The following RNF169 variants were observed in gnomAD, a reference collection of about 807,000 sequenced individuals.
RNF169 encodes E3 ubiquitin-protein ligase RNF169.
A neutral mutation model predicts 53.9 loss-of-function variants in RNF169; 24 were observed. The observed-to-expected ratio is 0.45, with a 90% CI of 0.32 to 0.63. RNF169 has a LOEUF of 0.63. Ranked by LOEUF, RNF169 falls within the 20% of genes least tolerant of loss-of-function variation. The pLI, the probability that RNF169 is intolerant of heterozygous loss-of-function variation, is 0.04. For synonymous variants in RNF169, 396 were observed against 363.5 expected, an observed-to-expected ratio of 1.09 and a Z score of -1.02; for missense variants, 883 against 906.2, an observed-to-expected ratio of 0.97 and a Z score of 0.33.
At chr11:74,768,536 A>C (rs893150694) in intron 1 of RNF169, among the ~76,000 whole-genome samples, 2 of 151,934 alleles carry the variant, frequency 1.3e-5, no homozygotes, top group Non-Finnish European at 2.9e-5. Flanking sequence ...TAACCTGGGA[A>C]GCGGTGGCTG....
chr11:74,834,511 T>C (rs746189669), intron 4 of RNF169, among the ~76,000 whole-genome samples, 165 bp from the exon 5 acceptor site: 1 of 152,252 alleles, frequency 6.6e-6, no homozygotes, highest in Admixed American at 6.5e-5. Context: ...AGAATTTCTA[T>C]TCAGAATGTA....
intron 3 of RNF169, among the ~76,000 whole-genome samples, chr11:74,812,785 G>A (rs1201701678): frequency 6.6e-6 from 1 of 152,168 alleles, no homozygotes; most frequent in Admixed American, 6.5e-5. Flanking sequence ...GAGCGAGACT[G>A]ATCATTTCAC....
intron 2 of RNF169, among the ~76,000 whole-genome samples, chr11:74,803,241 A>G (rs1164491977): frequency 6.6e-6 from 1 of 151,772 alleles, no homozygotes; most frequent in Non-Finnish European, 1.5e-5. Context: ...GCCCACCACC[A>G]CGCCTGGCTA....
At chr11:74,770,018 C>T (rs1038420893) in intron 1 of RNF169, among the ~76,000 whole-genome samples, 1 of 152,172 alleles carries the variant, frequency 6.6e-6, no homozygotes, top group African/African-American at 2.4e-5. Flanking sequence ...TCTTGAACTC[C>T]TGGGTTCAAG....
chr11:74,789,333 A>G lies in RNF169; in HGVS notation c.503-293A>G, dbSNP rs919990546. On this transcript the variant is annotated intron_variant, in intron 1 of 5. Transcript: ENST00000299563. ...CAAAAGGCAACTTTTTGGGGAGACT[A>G]TTTTCTATAACAAGCATTTATCAAC... Among the ~76,000 whole-genome samples the G allele has an allele frequency of 9.2e-5, 14 of 152,274 alleles. No homozygotes were observed. The East Asian group carries it at 1.7e-3, about 19-fold the overall frequency.
intron 1 of RNF169, among the ~76,000 whole-genome samples, chr11:74,774,293 C>T (rs1162983710): frequency 1.3e-5 from 2 of 151,646 alleles, no homozygotes; most frequent in East Asian, 3.9e-4. Context: ...CTGCAGTGAG[C>T]CGAGATGACA....
chr11:74,836,003 A>G lies in RNF169; in HGVS notation c.1400A>G (p.Glu467Gly), dbSNP rs766911195. 6.2e-7 allele frequency: 1 copy of G among 1,614,066 alleles called. No homozygotes were observed. The highest frequency in any genetic ancestry group is 1.3e-5 in the African/African-American group (1 of 74,930). ...PEMGEELLGSEGIHSSKEKPL... is the reference protein window; with the variant it reads ...PEMGEELLGSGGIHSSKEKPL... The stretch of plus-strand genomic sequence containing the variant: ...ATGGGGGAAGAGTTACTAGGCTCTG[A>G]AGGTATCCATTCTAGCAAGGAGAAG... Residue 467 changes from glutamate (E) to glycine (G), a missense_variant, in exon 6 of 6, where the codon GAA becomes GGA. This residue lies in a region of RNF169 where 351 missense variants were observed against 337.3 expected (regional missense o/e 1.04). Transcript: ENST00000299563.
At chr11:74,750,248 T>C (rs1267653447) in intron 1 of RNF169, among the ~76,000 whole-genome samples, 2 of 152,206 alleles carry the variant, frequency 1.3e-5, no homozygotes, top group African/African-American at 4.8e-5. Flanking sequence ...TAACTTAGGA[T>C]TCTTTTGGGG....
At chr11:74,788,587 G>C (rs1403458255) in intron 1 of RNF169, among the ~76,000 whole-genome samples, 4 of 152,052 alleles carry the variant, frequency 2.6e-5, no homozygotes, top group Non-Finnish European at 4.4e-5. Context: ...TAGAGATGGG[G>C]TTTCACCACG....
Position 74,749,139 on chromosome 11 carries a change from CT to C in RNF169, c.262del (p.Cys88AlafsTer90). On this transcript the variant is annotated frameshift_variant, in exon 1 of 6. Transcript: ENST00000299563. LOFTEE classifies it high-confidence loss of function. ...EAAALPCGHS[L>X]CRGCAQRAAD... ...AGCGGCCCTGCCGTGCGGCCACTCGCTTTGCCGAGGCTGCGCCCAACGCGCC... is the reference window on the plus strand; with the variant it reads ...AGCGGCCCTGCCGTGCGGCCACTCGCTTGCCGAGGCTGCGCCCAACGCGCC... 1 of 1,320,446 alleles carries C rather than the reference CT, an allele frequency of 7.6e-7. No individual in the cohort carries two copies. Among genetic ancestry groups the C allele is most frequent in the South Asian group, 2.1e-5 (1 of 48,590 alleles). The allele number at this position is 1,320,446 out of a possible 1,614,324, so 81.8% of individuals were successfully genotyped here.
chr11:74,831,000 C>T (rs1224830895), intron 4 of RNF169: 1 of 152,066 alleles, frequency 6.6e-6, no homozygotes, highest in East Asian at 1.9e-4. Flanking sequence ...AATAAGAGAA[C>T]TTCAGTCTTA....
At chr11:74,756,116 T>G (rs998762991) in intron 1 of RNF169, among the ~76,000 whole-genome samples, 3 of 152,174 alleles carry the variant, frequency 2.0e-5, no homozygotes, top group Non-Finnish European at 4.4e-5. Flanking sequence ...CTTCAGTCAT[T>G]CATTAATTTA....
intron 1 of RNF169, among the ~76,000 whole-genome samples, chr11:74,781,529 T>G (rs1056476173): frequency 6.6e-6 from 1 of 152,234 alleles, no homozygotes; most frequent in African/African-American, 2.4e-5. Context: ...TGGCGAGTAA[T>G]CAGCAGTGAA....
chr11:74,784,149 A>G (rs2035455029), intron 1 of RNF169, among the ~76,000 whole-genome samples: 2 of 152,216 alleles, frequency 1.3e-5, no homozygotes, highest in South Asian at 4.1e-4. Flanking sequence ...TTTACCTATA[A>G]TATTATACTT....
chr11:74,841,722 CT>C lies in RNF169; in HGVS notation c.*4994del, dbSNP rs2036576324. On this transcript the variant is annotated 3_prime_UTR_variant, in exon 6 of 6. Coordinates refer to ENST00000299563, the MANE Select transcript of RNF169 (RefSeq NM_001098638.2). ...CCAAGGCAAAGCAAGGTTTGTTCAT[CT>C]TCCTTTCCTGTCATTTAAGGTAAAA... The C allele has an allele frequency of 6.6e-6, 1 of 152,230 alleles. No individual in the cohort carries two copies. The highest frequency in any genetic ancestry group is 1.5e-5 in the Non-Finnish European group (1 of 68,036). The allele number at this position is 152,230 out of a possible 1,614,324, so 9.4% of individuals were successfully genotyped here. A position where few individuals can be genotyped will look rare whatever the true frequency, so the allele number is the denominator to read the frequency against.
rs1301901263 is a variant in RNF169 at position 74,749,386 on chromosome 11, G to A, written c.502+4G>A. On this transcript the variant is annotated splice_donor_region_variant and intron_variant, in intron 1 of 5. Transcript: ENST00000299563. ...CGTGCCGCGCCTGCGGAGCCAGGTG[G>A]AGCTTCCCCACTTCCCCTTAGGGTC... is the stretch of plus-strand genomic sequence containing the variant. 2.4e-6 allele frequency: 3 copies of A among 1,248,604 alleles called. No individual in the cohort carries two copies. Among genetic ancestry groups the A allele is most frequent in the Non-Finnish European group, 3.0e-6 (3 of 993,176 alleles). The allele number at this position is 1,248,604 out of a possible 1,614,324, so 77.3% of individuals were successfully genotyped here. A position where few individuals can be genotyped will look rare whatever the true frequency, so the allele number is the denominator to read the frequency against.
chr11:74,775,657 T>C (rs1023867151), intron 1 of RNF169, among the ~76,000 whole-genome samples: 7 of 152,206 alleles, frequency 4.6e-5, no homozygotes, highest in Non-Finnish European at 8.8e-5. Context: ...TTCCCTCTTA[T>C]CTACCTGGCA....
rs2036295762 is a variant in RNF169, at chr11:74,838,817, T to G, written c.*2087T>G. 6.6e-6 allele frequency: 1 copy of G among 152,202 alleles called. No homozygotes were observed. Among genetic ancestry groups the G allele is most frequent in the South Asian group, 2.1e-4 (1 of 4,824 alleles). 9.4% of individuals were successfully genotyped at this position (152,202 alleles called of 1,614,324 possible). ...GAGGGTGACCTTACTATAAATGCCC[T>G]TAGAGGAAACTTATCAGTTACTGCC... is the stretch of plus-strand genomic sequence containing the variant. On this transcript the variant is annotated 3_prime_UTR_variant, in exon 6 of 6. Transcript: ENST00000299563.
intron 1 of RNF169, among the ~76,000 whole-genome samples, chr11:74,773,282 T>C (rs546165036): frequency 6.6e-6 from 1 of 152,332 alleles, no homozygotes; most frequent in African/African-American, 2.4e-5. Context: ...GTAGCCTCAA[T>C]TCAGAATTTC....
Sources: allele counts gnomAD v4.1 joint callset (sites outside exome capture counted in the v4.1 genomes callset), GRCh38; gene constraint gnomAD v4.1.1; regional missense constraint gnomAD v4.1.1; transcripts MANE v1.5; gene names NCBI Gene and HGNC (gene_info 2026-07-23, HGNC 2026-07-21).